NXPE4: variants seen among roughly 807,000 people sequenced by gnomAD.
NXPE4 encodes the protein NXPE family member 4.
A neutral mutation model predicts 33.3 loss-of-function variants in NXPE4; 42 were observed. The observed-to-expected ratio is 1.26, with a 90% CI of 0.98 to 1.63. The LOEUF is 1.63. Among genes scored for constraint, NXPE4 ranks in the 40% most tolerant of loss-of-function variants. The pLI, the probability that NXPE4 is intolerant of heterozygous loss-of-function variation, is 0.00. For synonymous variants in NXPE4, 253 were observed against 234.9 expected, an observed-to-expected ratio of 1.08 and a Z score of -0.71; for missense variants, 709 against 647.6, an observed-to-expected ratio of 1.09 and a Z score of -1.03.
chr11:114,599,588 G>C (rs1442215871), upstream of NXPE4, among the ~76,000 whole-genome samples: 3 of 152,146 alleles, frequency 2.0e-5, no homozygotes, highest in Non-Finnish European at 4.4e-5. Context: ...GGTTCCACAG[G>C]CTATACAGGG....
the NXPE4 span, among the ~76,000 whole-genome samples, chr11:114,661,409 T>C: frequency 1.3e-5 from 2 of 152,188 alleles, no homozygotes; most frequent in African/African-American, 4.8e-5. Context: ...ATTACTCAGA[T>C]AGGCAACAAA....
intron 5 of NXPE4, among the ~76,000 whole-genome samples, chr11:114,579,867 T>C (rs954433784): frequency 6.6e-6 from 1 of 152,162 alleles, no homozygotes; most frequent in Non-Finnish European, 1.5e-5. Context: ...CCATCAATAG[T>C]TTTTGGAGCC....
At chr11:114,571,844 T>C (rs914824434) in intron 5 of NXPE4, among the ~76,000 whole-genome samples, 2 of 152,204 alleles carry the variant, frequency 1.3e-5, no homozygotes, top group African/African-American at 4.8e-5. Flanking sequence ...CTCTCTGAGA[T>C]GCTGAAAAAC....
the NXPE4 span, among the ~76,000 whole-genome samples, chr11:114,604,452 G>A: frequency 1.4e-4 from 22 of 151,966 alleles, no homozygotes; most frequent in Non-Finnish European, 2.6e-4. Flanking sequence ...TGGACACTAA[G>A]TATTGCCTTG....
chr11:114,611,762 T>G, the NXPE4 span, among the ~76,000 whole-genome samples: 1 of 151,818 alleles, frequency 6.6e-6, no homozygotes, highest in East Asian at 1.9e-4. Context: ...TATTGCCTCA[T>G]GGGTAACCAC....
the NXPE4 span, among the ~76,000 whole-genome samples, chr11:114,637,980 C>T: frequency 0.014 from 2,062 of 151,554 alleles, 37 homozygotes; most frequent in African/African-American, 0.047. Context: ...TTGTGGCGTT[C>T]TCTGTATTTC....
chr11:114,619,962 G>A, the NXPE4 span, among the ~76,000 whole-genome samples: 19 of 151,114 alleles, frequency 1.3e-4, no homozygotes, highest in Middle Eastern at 3.4e-3. Context: ...GTGTTGCCTC[G>A]TGAGTAACCA....
chr11:114,677,218 A>G, the NXPE4 span, among the ~76,000 whole-genome samples: 1 of 152,086 alleles, frequency 6.6e-6, no homozygotes. Context: ...TTGTGTCTAT[A>G]GTTAATAATA....
the NXPE4 span, among the ~76,000 whole-genome samples, chr11:114,624,307 A>T: frequency 1.4e-4 from 22 of 152,242 alleles, 1 homozygote; most frequent in Non-Finnish European, 3.1e-4. Context: ...GGTGGATAAT[A>T]AGTGTTGCCT....
At chr11:114,616,779 G>T in the NXPE4 span, among the ~76,000 whole-genome samples, 4 of 151,580 alleles carry the variant, frequency 2.6e-5, no homozygotes, top group African/African-American at 9.8e-5. Flanking sequence ...TTGCCTCTTG[G>T]CTTACCACTG....
the NXPE4 span, among the ~76,000 whole-genome samples, chr11:114,645,943 A>T: frequency 1.2e-3 from 184 of 152,284 alleles, no homozygotes; most frequent in African/African-American, 4.3e-3. Context: ...AATTTTGGCA[A>T]CATCTAGTAA....
chr11:114,652,267 A>C, the NXPE4 span, among the ~76,000 whole-genome samples: 2 of 152,218 alleles, frequency 1.3e-5, no homozygotes, highest in Non-Finnish European at 2.9e-5. Flanking sequence ...GACATTGAGC[A>C]TCTGGAAGGG....
chr11:114,606,100 G>A, the NXPE4 span, among the ~76,000 whole-genome samples: 2 of 150,306 alleles, frequency 1.3e-5, no homozygotes, highest in African/African-American at 4.9e-5. Context: ...CTCATGGGTA[G>A]CCACTGTTAT....
At chr11:114,618,048 T>C in the NXPE4 span, among the ~76,000 whole-genome samples, 47 of 152,130 alleles carry the variant, frequency 3.1e-4, no homozygotes, top group African/African-American at 1.1e-3. Flanking sequence ...GTAACAACTC[T>C]TACCCTGTGG....
the NXPE4 span, among the ~76,000 whole-genome samples, chr11:114,631,070 TTGG>T: frequency 1.6e-4 from 24 of 152,000 alleles, 1 homozygote; most frequent in African/African-American, 4.8e-5. Context: ...TTTTACACTG[TTGG>T]TGGGACTGTA....
At chr11:114,650,917 A>G in the NXPE4 span, among the ~76,000 whole-genome samples, 1 of 152,112 alleles carries the variant, frequency 6.6e-6, no homozygotes, top group Non-Finnish European at 1.5e-5. Context: ...GCAGCCTGGT[A>G]ATACTGGCTA....
chr11:114,651,187 C>T, the NXPE4 span, among the ~76,000 whole-genome samples: 6 of 151,994 alleles, frequency 3.9e-5, no homozygotes, highest in African/African-American at 7.2e-5. Flanking sequence ...CGTGGACCCT[C>T]GCGGTTGAGT....
At chr11:114,663,601 C>CTA in the NXPE4 span, among the ~76,000 whole-genome samples, 1 of 97,144 alleles carries the variant, frequency 1.0e-5, no homozygotes, top group Non-Finnish European at 2.2e-5. Flanking sequence ...ATCTATCTAT[C>CTA]TATCTATCTA....
chr11:114,662,000 C>T, the NXPE4 span, among the ~76,000 whole-genome samples: 1 of 152,090 alleles, frequency 6.6e-6, no homozygotes, highest in Non-Finnish European at 1.5e-5. Context: ...TAGAAGGCTC[C>T]ACCAATCACC....
Sources: gnomAD v4.1 joint callset for allele counts (sites outside exome capture counted in the v4.1 genomes callset) on GRCh38, gnomAD v4.1.1 for gene constraint, MANE v1.5 for transcripts, NCBI Gene and HGNC (gene_info 2026-07-23, HGNC 2026-07-21) for gene names.